The following ATP4B variants were observed in gnomAD, a reference collection of about 807,000 sequenced individuals.
ATP4B encodes ATPase H+/K+ transporting subunit beta.
ATP4B carries 27 observed loss-of-function variants against 35.3 expected under a neutral mutation model. That is an observed-to-expected ratio of 0.76 (90% CI 0.56 to 1.05). The LOEUF (loss-of-function observed/expected upper bound fraction) is 1.05, where lower values mean the gene tolerates loss of function less well. ATP4B is among the 50% of genes least tolerant of loss of function. ATP4B has a pLI of 0.00. For synonymous variants in ATP4B, 162 were observed against 156.0 expected, an observed-to-expected ratio of 1.04 and a Z score of -0.29; for missense variants, 375 against 384.8, an observed-to-expected ratio of 0.97 and a Z score of 0.21.
intron 1 of ATP4B, among the ~76,000 whole-genome samples, chr13:113,657,206 G>T (rs2049761714): frequency 6.6e-6 from 1 of 152,042 alleles, no homozygotes; most frequent in Admixed American, 6.5e-5. Context: ...TCGGCTCTGG[G>T]ACCCCCAGAG....
chr13:113,657,871 G>A (rs1160697922), intron 1 of ATP4B, among the ~76,000 whole-genome samples, 162 bp downstream of exon 1: 1 of 152,208 alleles, frequency 6.6e-6, no homozygotes, highest in Non-Finnish European at 1.5e-5. Context: ...CTTTCCCTGG[G>A]AGGCAAGTGA....
At position 113,650,912 on chromosome 13, in the gene ATP4B, G is replaced by A. The variant is rs565998117; in HGVS notation, c.613-405C>T. 2.0e-5 allele frequency among the ~76,000 whole-genome samples: 3 copies of A among 152,270 alleles called. No homozygotes were observed. The highest frequency in any genetic ancestry group is 6.5e-5 in the Admixed American group (1 of 15,296). ...GTTTTTGTGAGATTGGGGCCCTCTC[G>A]TTTCAGAAGCAGAGGCTTGCCCAGT... On this transcript the variant is annotated intron_variant, in intron 5 of 6. Coordinates refer to ENST00000335288, the MANE Select transcript of ATP4B (RefSeq NM_000705.4). This position sits in a 1 kb window ranked among gnomAD's most constrained non-coding sequence, Gnocchi z 5.0.
Position 113,654,803 on chromosome 13 carries a change from C to T in ATP4B, c.241+11G>A, listed in dbSNP as rs771759750. ...GTCACACGGCATGGGGGCAACATCCCGGGCGCTTACCTGGTGACCGTAGCT... is the reference window on the plus strand; with the variant it reads ...GTCACACGGCATGGGGGCAACATCCTGGGCGCTTACCTGGTGACCGTAGCT... On this transcript the variant is annotated intron_variant, in intron 2 of 6. Transcript: ENST00000335288. The T allele has an allele frequency of 3.3e-5, 53 of 1,612,628 alleles. No homozygotes were observed. The highest frequency in any genetic ancestry group is 2.0e-4 in the South Asian group (18 of 90,862).
In ATP4B at chr13:113,652,918, G is replaced by T; in HGVS notation, c.510C>A (p.Phe170Leu). 6.2e-7 allele frequency: 1 copy of T among 1,614,224 alleles called. No individual in the cohort carries two copies. The highest frequency in any genetic ancestry group is 8.5e-7 in the Non-Finnish European group (1 of 1,180,042). Residue 170 changes from phenylalanine to leucine, a missense_variant, in exon 4 of 7, where the codon TTC becomes TTA. Transcript: ENST00000335288. ...AACATGGCTTTCCTTCTTCAAAGCCGAAGTTGGGATCCGCCAGGCCTGAGC... is the reference window on the plus strand; with the variant it reads ...AACATGGCTTTCCTTCTTCAAAGCCTAAGTTGGGATCCGCCAGGCCTGAGC... ...QNCSGLADPNFGFEEGKPCFI... is the reference protein window; with the variant it reads ...QNCSGLADPNLGFEEGKPCFI...
At chr13:113,653,612 C>T (rs1476251149) in intron 2 of ATP4B, among the ~76,000 whole-genome samples, 178 bp from the exon 3 acceptor site, 1 of 152,230 alleles carries the variant, frequency 6.6e-6, no homozygotes, top group Non-Finnish European at 1.5e-5. Context: ...AGAATGCAGC[C>T]TGGGTCCCTG....
chr13:113,658,118 C>G lies in ATP4B; in HGVS notation c.27G>C (p.Thr9=). The G allele has an allele frequency of 6.2e-7, 1 of 1,613,018 alleles. No homozygotes were observed. Among genetic ancestry groups the G allele is most frequent in the Non-Finnish European group, 8.5e-7 (1 of 1,179,812 alleles). Residue 9 remains threonine, a synonymous_variant, in exon 1 of 7, where the codon ACG becomes ACC. Coordinates refer to ENST00000335288, the MANE Select transcript of ATP4B (RefSeq NM_000705.4). ...GGAACTCCTCCATGCGCTGGCCACA[C>G]GTCTTCTTCTCCTGCAGAGCCGCCA... is the stretch of plus-strand genomic sequence containing the variant. MAALQEKK[T]CGQRMEEFQR... is the part of the protein sequence containing the mutation.
In ATP4B at chr13:113,650,360, G is replaced by A. The variant is rs1224983412; in HGVS notation, c.714+46C>T. 3.9e-6 allele frequency: 6 copies of A among 1,549,514 alleles called. No individual in the cohort carries two copies. The highest frequency in any genetic ancestry group is 1.4e-5 in the African/African-American group (1 of 73,632). On this transcript the variant is annotated intron_variant, in intron 6 of 6. Transcript: ENST00000335288. This position sits in a 1 kb window ranked among gnomAD's most constrained non-coding sequence, Gnocchi z 5.0. ...TGCTTTCCTTTCGCTAAGTGTGAGA[G>A]GACTCAGCAGCTGTGGTGAGGGAAG...
intron 3 of ATP4B, 56 bp downstream of exon 3, chr13:113,653,265 G>A (rs571620063): frequency 1.6e-5 from 24 of 1,481,778 alleles, no homozygotes; most frequent in African/African-American, 1.1e-4. Flanking sequence ...CCCACCCGCC[G>A]CTTCACACCT....
Position 113,650,287 on chromosome 13 carries a change from C to T in ATP4B, c.714+119G>A. 1 of 946,258 alleles carries T rather than the reference C, an allele frequency of 1.1e-6. No individual in the cohort carries two copies. The highest frequency in any genetic ancestry group is 1.7e-6 in the Non-Finnish European group (1 of 600,822). The allele number at this position is 946,258 out of a possible 1,614,324, so 58.6% of individuals were successfully genotyped here. On this transcript the variant is annotated intron_variant, in intron 6 of 6. Transcript: ENST00000335288. This position sits in a 1 kb window ranked among gnomAD's most constrained non-coding sequence, Gnocchi z 5.0. Reference sequence around the variant, plus strand: ...AACACGCAGAACGTTCCAGTCAGGACCGGCTAAGTCACACCTTTGTTTCAT... The same window carrying T: ...AACACGCAGAACGTTCCAGTCAGGATCGGCTAAGTCACACCTTTGTTTCAT...
Position 113,658,089 on chromosome 13 carries a change from C to CT in ATP4B, c.55_56insA (p.Arg19GlnfsTer84). 4 of 1,612,346 alleles carry CT rather than the reference C, an allele frequency of 2.5e-6. No individual in the cohort carries two copies. The highest frequency in any genetic ancestry group is 3.4e-6 in the Non-Finnish European group (4 of 1,179,640). On this transcript the variant is annotated frameshift_variant, in exon 1 of 7. Transcript: ENST00000335288. LOFTEE classifies it high-confidence loss of function. ...CCCCGTGTCCGGGTTCCAGCAGTAA[C>CT]GCTGGAACTCCTCCATGCGCTGGCC... is the stretch of plus-strand genomic sequence containing the variant.
chr13:113,651,621 G>A, intron 5 of ATP4B, 50 bp downstream of exon 5: 4 of 1,539,792 alleles, frequency 2.6e-6, no homozygotes, highest in Non-Finnish European at 3.5e-6. Context: ...GCACGACCCT[G>A]ACAAGCTCCT....
chr13:113,657,226 G>A (rs1263294955), intron 1 of ATP4B, among the ~76,000 whole-genome samples: 32 of 152,144 alleles, frequency 2.1e-4, no homozygotes, highest in Admixed American at 1.1e-3. Context: ...GCCGGGCACC[G>A]TGGGAATTGA....
Position 113,649,342 on chromosome 13 carries a change from C to T in ATP4B, c.*32G>A, listed in dbSNP as rs190285362. 2.6e-4 allele frequency: 408 copies of T among 1,572,818 alleles called. No homozygotes were observed. In the East Asian group the frequency reaches 4.4e-3, roughly 17 times the overall value. ...AGGAGGGTGTCCTTGAGCGACCCCG[C>T]AGGCGTGCCCAGGACCCCTGCGCAA... On this transcript the variant is annotated 3_prime_UTR_variant, in exon 7 of 7. Transcript: ENST00000335288. This position sits in a 1 kb window ranked among gnomAD's most constrained non-coding sequence, Gnocchi z 4.7.
rs1326001243 is a variant in ATP4B, at chr13:113,658,014, G to T, written c.112+19C>A. Reference sequence around the variant, plus strand: ...GCGGCCCCCTCCATGCACCCAGCCGGCCCGCCCCCCGCACGTACCCCACCG... The same window carrying T: ...GCGGCCCCCTCCATGCACCCAGCCGTCCCGCCCCCCGCACGTACCCCACCG... On this transcript the variant is annotated intron_variant, in intron 1 of 6. Transcript: ENST00000335288. 1.3e-6 allele frequency: 2 copies of T among 1,577,272 alleles called. No homozygotes were observed. Among genetic ancestry groups the T allele is most frequent in the Non-Finnish European group, 1.7e-6 (2 of 1,163,908 alleles).
Position 113,650,470 on chromosome 13 carries a change from T to C in ATP4B, c.650A>G (p.Lys217Arg). 3 of 1,613,976 alleles carry C rather than the reference T, an allele frequency of 1.9e-6. No individual in the cohort carries two copies. In the South Asian group the frequency reaches 3.3e-5, roughly 18 times the overall value. ...PRELGQPLQV[K>R]YYPPNGTFSL... ...GAAGGTGCCGTTGGGAGGGTAGTAC[T>C]TGACCTGCAGCGGCTGGCCGAGCTC... Residue 217 changes from lysine (K) to arginine (R), a missense_variant, in exon 6 of 7, where the codon AAG (lysine) becomes AGG (arginine). Physicochemically the swap from Lys to Arg is conservative, Grantham distance 26. Coordinates refer to ENST00000335288, the MANE Select transcript of ATP4B (RefSeq NM_000705.4). The surrounding 1 kb of genome is among the most constrained non-coding windows in gnomAD (Gnocchi z 5.0).
intron 5 of ATP4B, 139 bp downstream of exon 5, chr13:113,651,532 C>T (rs548824674): frequency 6.2e-5 from 57 of 920,996 alleles, no homozygotes; most frequent in Middle Eastern, 4.9e-4. Flanking sequence ...GGTGATGGTT[C>T]GGTGTTTACG....
At chr13:113,652,849 G>A (rs2049722589) in intron 4 of ATP4B, 24 bp downstream of exon 4, 1 of 1,611,806 alleles carries the variant, frequency 6.2e-7, no homozygotes, top group Non-Finnish European at 8.5e-7. Context: ...GTAGTGGCGT[G>A]TGAAGGAGAC....
chr13:113,652,119 C>G (rs1049345761), intron 4 of ATP4B, among the ~76,000 whole-genome samples: 1 of 152,226 alleles, frequency 6.6e-6, no homozygotes, highest in Non-Finnish European at 1.5e-5. Context: ...TCTGGCCCAC[C>G]CGGGCCTTCA....
At chr13:113,655,367 C>T (rs1322870400) in intron 1 of ATP4B, among the ~76,000 whole-genome samples, 1 of 152,172 alleles carries the variant, frequency 6.6e-6, no homozygotes, top group African/African-American at 2.4e-5. Flanking sequence ...CCATGGTGAC[C>T]CATAGTGCAG....
Sources: allele counts gnomAD v4.1 joint callset (sites outside exome capture counted in the v4.1 genomes callset), GRCh38; gene constraint gnomAD v4.1.1; non-coding constraint Gnocchi (gnomAD v3.1); transcripts MANE v1.5; gene names NCBI Gene and HGNC (gene_info 2026-07-23, HGNC 2026-07-21).